SLC45A1: variants seen among roughly 807,000 people sequenced by gnomAD.
SLC45A1 encodes the protein solute carrier family 45 member 1.
Under a neutral mutation model 57.6 loss-of-function variants are expected in SLC45A1, and 28 were observed. The ratio of observed to expected loss-of-function variants is 0.49; its 90% confidence interval spans 0.36 to 0.67. SLC45A1 has a LOEUF of 0.67. Among genes scored for constraint, SLC45A1 ranks in the 30% least tolerant of loss-of-function variants. The pLI, the probability that SLC45A1 is intolerant of heterozygous loss-of-function variation, is 0.00. For synonymous variants in SLC45A1, 459 were observed against 471.5 expected (o/e 0.97, Z 0.34); for missense variants, 814 against 1,041.5 (o/e 0.78, Z 3.01).
In SLC45A1 at chr1:8,338,689, A is replaced by G. The variant is rs371837877; in HGVS notation, c.1774+697A>G. On this transcript the variant is annotated intron_variant, in intron 7 of 8. Coordinates refer to ENST00000471889, the MANE Select transcript of SLC45A1 (RefSeq NM_001080397.3). ...AACCGAGTGGGCGTGCCAAGCGCCA[A>G]TCAAACCGCACTGTGTTCGCTGAAA... Among the ~76,000 whole-genome samples the G allele has an allele frequency of 2.6e-4, 39 of 152,392 alleles. No individual in the cohort carries two copies. In the South Asian group the frequency reaches 7.4e-3, roughly 29 times the overall value.
At position 8,328,913 on chromosome 1, in the gene SLC45A1, T is replaced by TC. The variant is rs1640285419; in HGVS notation, c.716-1296_716-1295insC. Among the ~76,000 whole-genome samples the TC allele has an allele frequency of 1.3e-5, 2 of 152,214 alleles. No homozygotes were observed. The highest frequency in any genetic ancestry group is 4.8e-5 in the African/African-American group (2 of 41,518). ...GGATAAGGGTCACGAACAGCAATGG[T>TC]GTCTTTCAGGAGGGGAGGAGGGAAG... On this transcript the variant is annotated intron_variant, in intron 4 of 8. Transcript: ENST00000471889. The surrounding 1 kb of genome is among the most constrained non-coding windows in gnomAD (Gnocchi z 4.6).
At position 8,325,518 on chromosome 1, in the gene SLC45A1, G is replaced by A. The variant is rs1024852184; in HGVS notation, c.490+128G>A. On this transcript the variant is annotated intron_variant, in intron 3 of 8. Transcript: ENST00000471889. The surrounding 1 kb of genome is among the most constrained non-coding windows in gnomAD (Gnocchi z 6.3). ...CAGATAGCTCTGGGCCCGCACTGGT[G>A]TGAGGCAGGGAGTGCCCCGCAACCT... The A allele has an allele frequency of 1.4e-6, 1 of 695,814 alleles. No homozygotes were observed. The highest frequency in any genetic ancestry group is 1.9e-5 in the South Asian group (1 of 53,566). 43.1% of individuals were successfully genotyped at this position (695,814 alleles called of 1,614,324 possible).
chr1:8,339,998 G>T (rs1182575779), intron 8 of SLC45A1, among the ~76,000 whole-genome samples: 1 of 152,176 alleles, frequency 6.6e-6, no homozygotes, highest in African/African-American at 2.4e-5. Flanking sequence ...TCAGGCCACC[G>T]GGTCTCCTGT....
At position 8,328,193 on chromosome 1, in the gene SLC45A1, A is replaced by G. The variant is rs183072884; in HGVS notation, c.716-2016A>G. On this transcript the variant is annotated intron_variant, in intron 4 of 8. Coordinates refer to ENST00000471889, the MANE Select transcript of SLC45A1 (RefSeq NM_001080397.3). This position sits in a 1 kb window ranked among gnomAD's most constrained non-coding sequence, Gnocchi z 4.6. ...GACTAGTCTTGAAAAAGAAACAGAT[A>G]TTGGAACAATGTTTAAAAATCAAGG... 93 of 152,256 alleles carry G rather than the reference A, an allele frequency of 6.1e-4. No homozygotes were observed. Among genetic ancestry groups the G allele is most frequent in the African/African-American group, 2.0e-3 (81 of 41,536 alleles). 9.4% of individuals were successfully genotyped at this position (152,256 alleles called of 1,614,324 possible). A position where few individuals can be genotyped will look rare whatever the true frequency, so the allele number is the denominator to read the frequency against.
chr1:8,343,552 T>C lies in SLC45A1; in HGVS notation c.1981-195T>C, dbSNP rs1306247009. Among the ~76,000 whole-genome samples the C allele has an allele frequency of 6.6e-6, 1 of 152,164 alleles. No homozygotes were observed. The highest frequency in any genetic ancestry group is 2.4e-5 in the African/African-American group (1 of 41,438). On this transcript the variant is annotated intron_variant, in intron 8 of 8. Coordinates refer to ENST00000471889, the MANE Select transcript of SLC45A1 (RefSeq NM_001080397.3). The surrounding 1 kb of genome is among the most constrained non-coding windows in gnomAD (Gnocchi z 7.7). ...TCTGCCCCATTAGTCATGGATTCTT[T>C]TCATTGTCGTCATCTCTCCGAACAC... is the stretch of plus-strand genomic sequence containing the variant.
chr1:8,337,744 G>A, intron 6 of SLC45A1, 72 bp from the exon 7 acceptor site: 2 of 1,387,096 alleles, frequency 1.4e-6, no homozygotes, highest in Non-Finnish European at 2.0e-6. Context: ...ACCAGTAGAC[G>A]CATGTTGGTT....
At position 8,330,214 on chromosome 1, in the gene SLC45A1, G is replaced by C; in HGVS notation, c.721G>C (p.Gly241Arg). Residue 241 changes from glycine to arginine, a missense_variant, in exon 5 of 9, where the codon GGA becomes CGA. Physicochemically the swap from Gly to Arg is moderately radical, Grantham distance 125. Transcript: ENST00000471889. This position sits in a 1 kb window ranked among gnomAD's most constrained non-coding sequence, Gnocchi z 8.4. ...LNIHALLAGL[G>R]GGFGYVVGGI... ...AACCCTGTCTCTTTCCCCAGGTCTC[G>C]GAGGAGGCTTTGGATACGTGGTCGG... The C allele has an allele frequency of 6.2e-7, 1 of 1,613,054 alleles. No individual in the cohort carries two copies. Among genetic ancestry groups the C allele is most frequent in the East Asian group, 2.2e-5 (1 of 44,856 alleles).
intron 1 of SLC45A1, among the ~76,000 whole-genome samples, chr1:8,323,686 T>C (rs1557558529): frequency 1.3e-5 from 2 of 152,166 alleles, no homozygotes. Context: ...CACTTGTCAA[T>C]GGGTGCTGAA....
intron 1 of SLC45A1, among the ~76,000 whole-genome samples, chr1:8,323,549 C>T (rs1268159803): frequency 3.3e-5 from 5 of 151,592 alleles, no homozygotes; most frequent in Admixed American, 2.0e-4. Context: ...TGTTTCTCAG[C>T]TCTCCCTGGT....
chr1:8,318,532 C>T (rs1029312680), intron 1 of SLC45A1, among the ~76,000 whole-genome samples: 2 of 152,214 alleles, frequency 1.3e-5, no homozygotes, highest in African/African-American at 2.4e-5. Flanking sequence ...GTCATCCGCT[C>T]CCGGCTCACC....
At position 8,330,710 on chromosome 1, in the gene SLC45A1, G is replaced by A. The variant is rs942982282; in HGVS notation, c.1217G>A (p.Arg406Gln). Residue 406 changes from arginine to glutamine, a missense_variant, in exon 5 of 9, where the codon CGG (arginine) becomes CAG (glutamine). Arg to Gln is a conservative substitution (Grantham distance 43, BLOSUM62 1). Transcript: ENST00000471889. The surrounding 1 kb of genome is among the most constrained non-coding windows in gnomAD (Gnocchi z 8.4). ...PRPPISVSFP[R>Q]APDGFYRQDR... ...CCGCCCATCAGCGTCAGCTTCCCCC[G>A]GGCCCCCGACGGCTTCTACCGCCAG... 6.8e-6 allele frequency: 11 copies of A among 1,613,124 alleles called. No individual in the cohort carries two copies. Among genetic ancestry groups the A allele is most frequent in the Admixed American group, 1.7e-5 (1 of 60,018 alleles).
At chr1:8,322,963 G>C (rs1413315178) in intron 1 of SLC45A1, among the ~76,000 whole-genome samples, 2 of 152,028 alleles carry the variant, frequency 1.3e-5, no homozygotes, top group Non-Finnish European at 2.9e-5. Flanking sequence ...GTGGACATCG[G>C]CTAAAACACA....
rs543872832 is a variant in SLC45A1, at chr1:8,332,726, G to A, written c.1443+1790G>A. Among the ~76,000 whole-genome samples, 129 of 152,204 alleles carry A rather than the reference G, an allele frequency of 8.5e-4. 1 individual carries two copies. The highest frequency in any genetic ancestry group is 2.8e-3 in the African/African-American group (117 of 41,540). ...GGGTTTCACCATGTTGGCCAGGCTGGTCTCGAACTCCTGGCCTCAAGTGAT... is the reference window on the plus strand; with the variant it reads ...GGGTTTCACCATGTTGGCCAGGCTGATCTCGAACTCCTGGCCTCAAGTGAT... On this transcript the variant is annotated intron_variant, in intron 5 of 8. Transcript: ENST00000471889.
intron 1 of SLC45A1, among the ~76,000 whole-genome samples, chr1:8,319,515 T>C (rs1305108080): frequency 6.6e-6 from 1 of 152,208 alleles, no homozygotes; most frequent in Admixed American, 6.5e-5. Flanking sequence ...CTCTGTACTC[T>C]GGAAGCACAG....
intron 6 of SLC45A1, among the ~76,000 whole-genome samples, chr1:8,337,322 G>A (rs1032192154): frequency 5.3e-5 from 8 of 152,226 alleles, no homozygotes; most frequent in African/African-American, 1.2e-4. Flanking sequence ...ACGGGGTCCC[G>A]CCCACGACAC....
intron 5 of SLC45A1, among the ~76,000 whole-genome samples, chr1:8,333,741 C>T (rs74907156): frequency 0.044 from 6,684 of 152,320 alleles, 513 homozygotes; most frequent in African/African-American, 0.15. Context: ...AGCCCTGTTT[C>T]CTCCTTGGAG....
Position 8,330,427 on chromosome 1 carries a change from C to A in SLC45A1, c.934C>A (p.Pro312Thr), listed in dbSNP as rs757603854. ...AMKSPSLPLP[P>T]SPPVLPEEGP... is the part of the protein sequence containing the mutation. ...GAAGAGCCCCAGCCTCCCGCTGCCC[C>A]CGTCCCCACCCGTCCTGCCAGAGGA... is the stretch of plus-strand genomic sequence containing the variant. Residue 312 changes from proline (P) to threonine (T), a missense_variant, in exon 5 of 9, where the codon CCG becomes ACG. Coordinates refer to ENST00000471889, the MANE Select transcript of SLC45A1 (RefSeq NM_001080397.3). This position sits in a 1 kb window ranked among gnomAD's most constrained non-coding sequence, Gnocchi z 8.4. The A allele has an allele frequency of 2.5e-6, 4 of 1,611,110 alleles. No homozygotes were observed. The highest frequency in any genetic ancestry group is 3.4e-6 in the Non-Finnish European group (4 of 1,179,028).
At chr1:8,336,469 A>G (rs551777537) in intron 6 of SLC45A1, among the ~76,000 whole-genome samples, 1 of 152,272 alleles carries the variant, frequency 6.6e-6, no homozygotes, top group East Asian at 1.9e-4. Context: ...TGGGACATAA[A>G]TCAACATGAC....
At chr1:8,322,220 TG>T (rs1640044712) in intron 1 of SLC45A1, among the ~76,000 whole-genome samples, 2 of 100,412 alleles carry the variant, frequency 2.0e-5, no homozygotes, top group Non-Finnish European at 3.9e-5. Flanking sequence ...GATGGGTGGA[TG>T]GATGGATGGG....
Sources: gnomAD v4.1 joint callset for allele counts (sites outside exome capture counted in the v4.1 genomes callset) on GRCh38, gnomAD v4.1.1 for gene constraint, Gnocchi (gnomAD v3.1) non-coding constraint, MANE v1.5 for transcripts, NCBI Gene and HGNC (gene_info 2026-07-23, HGNC 2026-07-21) for gene names.